USP25: variants seen among roughly 807,000 people sequenced by gnomAD.
USP25 encodes the protein ubiquitin specific peptidase 25.
A neutral mutation model predicts 158.5 loss-of-function variants in USP25; 85 were observed. The ratio of observed to expected loss-of-function variants is 0.54; its 90% confidence interval spans 0.45 to 0.64. USP25 has a LOEUF of 0.64. USP25 is among the 30% of genes least tolerant of loss of function. USP25 has a pLI of 0.00. For synonymous variants in USP25, 464 were observed against 460.4 expected, an observed-to-expected ratio of 1.01 and a Z score of -0.10; for missense variants, 1,242 against 1,327.3, an observed-to-expected ratio of 0.94 and a Z score of 1.00.
At chr21:15,811,813 T>G (rs921729566) in intron 9 of USP25, among the ~76,000 whole-genome samples, 1 of 152,216 alleles carries the variant, frequency 6.6e-6, no homozygotes, top group Non-Finnish European at 1.5e-5. Flanking sequence ...TGTAACTTCA[T>G]GTAATAATAT....
chr21:15,795,893 C>T (rs910766176), intron 5 of USP25, among the ~76,000 whole-genome samples: 16 of 151,460 alleles, frequency 1.1e-4, no homozygotes, highest in African/African-American at 2.4e-5. Flanking sequence ...TTTTTTTAAT[C>T]CTCCGAGGAG....
intron 17 of USP25, among the ~76,000 whole-genome samples, chr21:15,840,770 G>A (rs965948106): frequency 1.3e-5 from 2 of 152,084 alleles, no homozygotes; most frequent in African/African-American, 4.8e-5. Flanking sequence ...GGTTTCAGTG[G>A]GTCATTAGAC....
At position 15,826,157 on chromosome 21, in the gene USP25, A is replaced by G. The variant is rs572997253; in HGVS notation, c.1305-47A>G. On this transcript the variant is annotated intron_variant, in intron 12 of 25. Coordinates refer to ENST00000400183, the MANE Select transcript of USP25 (RefSeq NM_001283041.3). The surrounding 1 kb of genome is among the most constrained non-coding windows in gnomAD (Gnocchi z 4.8). ...TTATAATAATAATAAAGGCCCAAAT[A>G]TGCTGTATATAGAAATAAAAGCATT... 4.0e-5 allele frequency: 63 copies of G among 1,577,346 alleles called. No homozygotes were observed. In the African/African-American group the frequency reaches 5.0e-4, roughly 13 times the overall value.
chr21:15,841,377 A>G (rs1348577115), intron 17 of USP25, among the ~76,000 whole-genome samples: 3 of 152,116 alleles, frequency 2.0e-5, no homozygotes, highest in South Asian at 2.1e-4. Context: ...GTTCTTCACA[A>G]TATCCCCAGA....
intron 19 of USP25, among the ~76,000 whole-genome samples, chr21:15,849,189 T>TA (rs1420497676): frequency 3.9e-5 from 6 of 152,206 alleles, no homozygotes; most frequent in Admixed American, 3.9e-4. Context: ...ATTAATCATT[T>TA]AACACTATCT....
intron 1 of USP25, 114 bp downstream of exon 1, chr21:15,730,552 C>T (rs1004696220): frequency 1.9e-5 from 22 of 1,172,088 alleles, no homozygotes; most frequent in Non-Finnish European, 2.0e-5. Context: ...GCTTCCTCCC[C>T]GGTCACCCCC....
intron 6 of USP25, 63 bp from the exon 7 acceptor site, chr21:15,805,058 T>G (rs1002594267): frequency 1.4e-5 from 20 of 1,467,162 alleles, no homozygotes; most frequent in Non-Finnish European, 1.8e-5. Context: ...TGAATATTTA[T>G]TAGTAAAAAT....
At chr21:15,839,341 G>A (rs553271633) in intron 17 of USP25, among the ~76,000 whole-genome samples, 1 of 152,268 alleles carries the variant, frequency 6.6e-6, no homozygotes, top group Non-Finnish European at 1.5e-5. Flanking sequence ...AATAGGGTTA[G>A]AGGATGAACA....
At chr21:15,797,644 A>G (rs1487796193) in intron 5 of USP25, among the ~76,000 whole-genome samples, 1 of 151,362 alleles carries the variant, frequency 6.6e-6, no homozygotes, top group East Asian at 1.9e-4. Flanking sequence ...GGGAGCTCAG[A>G]GAATAGAAGT....
chr21:15,793,030 TAAG>T lies in USP25; in HGVS notation c.555+1370_555+1372del, dbSNP rs1475735802. Reference sequence around the variant, plus strand: ...ATCTCACTTTACTTGCGCTATCTATTAAGAAGGTTTGTGCATATGATAATTTAG... The same window carrying T: ...ATCTCACTTTACTTGCGCTATCTATTAAGGTTTGTGCATATGATAATTTAG... On this transcript the variant is annotated intron_variant, in intron 5 of 25. Coordinates refer to ENST00000400183, the MANE Select transcript of USP25 (RefSeq NM_001283041.3). Among the ~76,000 whole-genome samples the T allele has an allele frequency of 2.0e-5, 3 of 151,634 alleles. No homozygotes were observed. The East Asian group carries it at 5.8e-4, about 29-fold the overall frequency.
In USP25 at chr21:15,798,049, G is replaced by A. The variant is rs1209189143; in HGVS notation, c.556-1708G>A. Among the ~76,000 whole-genome samples, 9 of 151,324 alleles carry A rather than the reference G, an allele frequency of 5.9e-5. No individual in the cohort carries two copies. The East Asian group carries it at 1.6e-3, about 26-fold the overall frequency. On this transcript the variant is annotated intron_variant, in intron 5 of 25. Transcript: ENST00000400183. ...CGGTATTCAGAGGAGATTTTGGAAT[G>A]TATCCTTTTTGGATAAGAGGGTGCT... is the stretch of plus-strand genomic sequence containing the variant.
chr21:15,827,445 G>A (rs772886987), intron 14 of USP25, among the ~76,000 whole-genome samples: 5 of 152,110 alleles, frequency 3.3e-5, no homozygotes, highest in Non-Finnish European at 7.4e-5. Context: ...CAGATGGCCT[G>A]ATTTTCTAGT....
chr21:15,784,164 T>A (rs760575509), intron 4 of USP25, among the ~76,000 whole-genome samples: 7 of 152,240 alleles, frequency 4.6e-5, no homozygotes, highest in Non-Finnish European at 1.0e-4. Context: ...ATATTCAGAA[T>A]ACCCCAGTGC....
intron 1 of USP25, among the ~76,000 whole-genome samples, chr21:15,737,483 C>T (rs2031631688): frequency 1.3e-5 from 2 of 152,020 alleles, no homozygotes; most frequent in Admixed American, 1.3e-4. Context: ...AACCTATATC[C>T]CTTATCCTAT....
In USP25 at chr21:15,878,857, A is replaced by G. The variant is rs1409322814; in HGVS notation, c.*382A>G. 3 of 158,416 alleles carry G rather than the reference A, an allele frequency of 1.9e-5. No homozygotes were observed. The highest frequency in any genetic ancestry group is 7.2e-5 in the African/African-American group (3 of 41,650). The allele number at this position is 158,416 out of a possible 1,614,324, so 9.8% of individuals were successfully genotyped here. On this transcript the variant is annotated 3_prime_UTR_variant, in exon 26 of 26. Transcript: ENST00000400183. ...TGTTCAGCACTGTGTACGATACATA[A>G]TATTTGGTAGCTTGTAAATGAAATA...
intron 3 of USP25, 98 bp from the exon 4 acceptor site, chr21:15,777,806 A>C: frequency 2.6e-6 from 3 of 1,141,820 alleles, no homozygotes; most frequent in Non-Finnish European, 3.5e-6. Context: ...GTTGGTACTG[A>C]CTGGTTTAAA....
intron 17 of USP25, among the ~76,000 whole-genome samples, chr21:15,840,595 C>T (rs1568875209): frequency 6.6e-6 from 1 of 152,094 alleles, no homozygotes; most frequent in Non-Finnish European, 1.5e-5. Flanking sequence ...GAAAATTGTT[C>T]TGTATGACAT....
intron 18 of USP25, among the ~76,000 whole-genome samples, chr21:15,846,436 A>G (rs1020058540): frequency 1.3e-5 from 2 of 151,776 alleles, no homozygotes; most frequent in South Asian, 2.1e-4. Context: ...TGCTGGGATT[A>G]TAGGTCTAAG....
At chr21:15,741,318 A>G (rs2032038482) in intron 1 of USP25, among the ~76,000 whole-genome samples, 1 of 148,226 alleles carries the variant, frequency 6.7e-6, no homozygotes, top group African/African-American at 2.5e-5. Context: ...TTTTTGACCC[A>G]TATATAATGT....
Sources: allele counts gnomAD v4.1 joint callset (sites outside exome capture counted in the v4.1 genomes callset), GRCh38; gene constraint gnomAD v4.1.1; non-coding constraint Gnocchi (gnomAD v3.1); transcripts MANE v1.5; gene names NCBI Gene and HGNC (gene_info 2026-07-23, HGNC 2026-07-21).